Variants in DSCC1 observed in about 807,000 individuals in gnomAD.
DSCC1 encodes the protein DNA replication and sister chromatid cohesion 1, also known as sister chromatid cohesion protein DCC1.
A neutral mutation model predicts 48.2 loss-of-function variants in DSCC1; 32 were observed. The observed-to-expected ratio is 0.66, with a 90% CI of 0.50 to 0.89. The LOEUF (loss-of-function observed/expected upper bound fraction) is 0.89. Among genes scored for constraint, DSCC1 ranks in the 40% least tolerant of loss-of-function variants. The pLI is 0.00. For synonymous variants in DSCC1, 150 were observed against 171.5 expected (o/e 0.87, Z 0.98); for missense variants, 421 against 471.7 (o/e 0.89, Z 1.00).
chr8:119,854,123 G>A (rs1264878648), intron 1 of DSCC1, among the ~76,000 whole-genome samples: 2 of 152,084 alleles, frequency 1.3e-5, no homozygotes, highest in African/African-American at 4.8e-5. Context: ...CTGGTGGGAG[G>A]ATCGCCTGAC....
In DSCC1 at chr8:119,849,184, C is replaced by CAAAAAAA. The variant is rs550853227; in HGVS notation, c.486+1191_486+1197dup. On this transcript the variant is annotated intron_variant, in intron 3 of 8. Coordinates refer to ENST00000313655, the MANE Select transcript of DSCC1 (RefSeq NM_024094.3). ...TGGGCGACAGAGCGAGACTCCCTCTCAAAAAAAAAAAAAAAAAAAAAAGAC... is the reference window on the plus strand; with the variant it reads ...TGGGCGACAGAGCGAGACTCCCTCTCAAAAAAAAAAAAAAAAAAAAAAAAAAAAAGAC... Among the ~76,000 whole-genome samples the CAAAAAAA allele has an allele frequency of 2.0e-4, 6 of 29,504 alleles. 1 individual carries two copies. Among genetic ancestry groups the CAAAAAAA allele is most frequent in the Non-Finnish European group, 2.5e-4 (4 of 15,948 alleles). 19.4% of individuals were successfully genotyped at this position (29,504 alleles called of 152,430 possible).
intron 2 of DSCC1, among the ~76,000 whole-genome samples, chr8:119,851,475 T>A (rs1826942905): frequency 6.6e-6 from 1 of 152,228 alleles, no homozygotes; most frequent in African/African-American, 2.4e-5. Flanking sequence ...CTACGTCCAA[T>A]ACACAGATAT....
rs1827009797 is a variant in DSCC1, at chr8:119,855,802, G to A, written c.-7C>T. 4 of 1,513,434 alleles carry A rather than the reference G, an allele frequency of 2.6e-6. No homozygotes were observed. Among genetic ancestry groups the A allele is most frequent in the East Asian group, 2.5e-5 (1 of 39,326 alleles). The allele number at this position is 1,513,434 out of a possible 1,614,324, so 93.8% of individuals were successfully genotyped here. A position where few individuals can be genotyped will look rare whatever the true frequency, so the allele number is the denominator to read the frequency against. ...CGTCGCGGGTCCTCTTCATCGCAGC[G>A]CCGGGTCTAGGAGTCCCGCCGCGCC... is the stretch of plus-strand genomic sequence containing the variant. On this transcript the variant is annotated 5_prime_UTR_variant, in exon 1 of 9. Transcript: ENST00000313655.
chr8:119,842,467 G>A (rs1039767802), intron 6 of DSCC1, among the ~76,000 whole-genome samples: 43 of 149,372 alleles, frequency 2.9e-4, no homozygotes, highest in Non-Finnish European at 1.5e-4. Context: ...TTGCCGCCTC[G>A]ACCTCCCCGG....
Position 119,843,674 on chromosome 8 carries a change from T to A in DSCC1, c.651A>T (p.Glu217Asp). 6.2e-7 allele frequency: 1 copy of A among 1,614,154 alleles called. No individual in the cohort carries two copies. Among genetic ancestry groups the A allele is most frequent in the East Asian group, 2.2e-5 (1 of 44,876 alleles). The change falls in exon 5 of 9, where the codon GAA becomes GAT. Residue 217 changes from glutamate to aspartate, a missense_variant. Glu to Asp is a conservative substitution (Grantham distance 45). Coordinates refer to ENST00000313655, the MANE Select transcript of DSCC1 (RefSeq NM_024094.3). ...AAGGAACTTTACCAAAAGACCATGATTCAGAATCCACAAGCTGAGTTACAT... is the reference window on the plus strand; with the variant it reads ...AAGGAACTTTACCAAAAGACCATGAATCAGAATCCACAAGCTGAGTTACAT... Reference protein sequence around the residue: ...LNHVTQLVDSESWSFGKVPLN... With the variant: ...LNHVTQLVDSDSWSFGKVPLN...
Position 119,850,461 on chromosome 8 carries a change from T to A in DSCC1, c.407A>T (p.Lys136Met). 1 of 1,601,832 alleles carries A rather than the reference T, an allele frequency of 6.2e-7. No homozygotes were observed. Among genetic ancestry groups the A allele is most frequent in the Non-Finnish European group, 8.5e-7 (1 of 1,175,674 alleles). Residue 136 changes from lysine to methionine, a missense_variant, in exon 3 of 9, where the codon AAG becomes ATG. Around this residue, in one of 3 missense-constraint regions of DSCC1, gnomAD observed 174 missense variants for 184.5 expected, o/e 0.94. Transcript: ENST00000313655. Reference protein sequence around the residue: ...WELRRRRPKLKKLKKLLMENP... With the variant: ...WELRRRRPKLMKLKKLLMENP... ...TTCCATCAAAAGTTTCTTTAGCTTC[T>A]TTAACTTGGGTCTACGTCTTCTTAA...
chr8:119,847,536 A>G (rs1458487090), intron 3 of DSCC1, among the ~76,000 whole-genome samples: 1 of 152,240 alleles, frequency 6.6e-6, no homozygotes, highest in African/African-American at 2.4e-5. Context: ...GAACAAGTAC[A>G]GAGTTTCAGT....
At chr8:119,835,459 A>G (rs1212235815) in intron 8 of DSCC1, among the ~76,000 whole-genome samples, 2 of 152,132 alleles carry the variant, frequency 1.3e-5, no homozygotes, top group East Asian at 3.9e-4. Context: ...GTGAGCGGAG[A>G]TCGCGCCACT....
chr8:119,855,256 G>C (rs934128193), intron 1 of DSCC1, among the ~76,000 whole-genome samples: 11 of 152,222 alleles, frequency 7.2e-5, no homozygotes, highest in African/African-American at 2.4e-4. Flanking sequence ...GAAGGCAAGA[G>C]TTCTATAAAC....
In DSCC1 at chr8:119,841,861, G is replaced by A; in HGVS notation, c.857C>T (p.Ala286Val). Reference sequence around the variant, plus strand: ...CTGCTGCCACACTTCTTGAAACTCAGCGAGATTGAATTTCACCGCATTCTG... The same window carrying A: ...CTGCTGCCACACTTCTTGAAACTCAACGAGATTGAATTTCACCGCATTCTG... Reference protein sequence around the residue: ...LLQNAVKFNLAEFQEVWQQSV... With the variant: ...LLQNAVKFNLVEFQEVWQQSV... Residue 286 changes from alanine to valine, a missense_variant, in exon 7 of 9, where the codon GCT becomes GTT. By Grantham distance (64) the Ala-to-Val change is moderately conservative. Coordinates refer to ENST00000313655, the MANE Select transcript of DSCC1 (RefSeq NM_024094.3). The A allele has an allele frequency of 6.2e-7, 1 of 1,614,094 alleles. No homozygotes were observed. Among genetic ancestry groups the A allele is most frequent in the Non-Finnish European group, 8.5e-7 (1 of 1,179,994 alleles).
At chr8:119,843,014 C>G (rs1397345128) in intron 5 of DSCC1, among the ~76,000 whole-genome samples, 186 bp from the exon 6 acceptor site, 1 of 152,030 alleles carries the variant, frequency 6.6e-6, no homozygotes, top group African/African-American at 2.4e-5. Context: ...TACTATGTGC[C>G]AGGCCCCATG....
chr8:119,843,608 C>T lies in DSCC1; in HGVS notation c.716+1G>A, dbSNP rs748933328. ...GATAGACAAGAAATTAAAATACTTA[C>T]TCTGGCTCCAATGGTCCGAGTTCCT... On this transcript the variant is annotated splice_donor_variant, in intron 5 of 8. Transcript: ENST00000313655. LOFTEE classifies it high-confidence loss of function. 8 of 1,604,668 alleles carry T rather than the reference C, an allele frequency of 5.0e-6. No homozygotes were observed. Among genetic ancestry groups the T allele is most frequent in the Non-Finnish European group, 5.9e-6 (7 of 1,177,904 alleles).
At chr8:119,837,283 G>C (rs1826699339) in intron 8 of DSCC1, among the ~76,000 whole-genome samples, 3 of 152,184 alleles carry the variant, frequency 2.0e-5, no homozygotes, top group African/African-American at 7.2e-5. Context: ...AGGCAGAGGA[G>C]ATAGACCTAG....
At chr8:119,848,295 T>C (rs1460990067) in intron 3 of DSCC1, among the ~76,000 whole-genome samples, 2 of 152,114 alleles carry the variant, frequency 1.3e-5, no homozygotes, top group Non-Finnish European at 2.9e-5. Flanking sequence ...TATGTATATT[T>C]TACTCCAATT....
Position 119,855,810 on chromosome 8 carries a change from T to C in DSCC1, c.-15A>G, listed in dbSNP as rs777231767. ...GTCCTCTTCATCGCAGCGCCGGGTC[T>C]AGGAGTCCCGCCGCGCCCGGGTGGC... On this transcript the variant is annotated 5_prime_UTR_variant, in exon 1 of 9. Transcript: ENST00000313655. The C allele has an allele frequency of 1.4e-6, 2 of 1,457,314 alleles. No homozygotes were observed. The highest frequency in any genetic ancestry group is 1.8e-6 in the Non-Finnish European group (2 of 1,105,510). 90.3% of individuals were successfully genotyped at this position (1,457,314 alleles called of 1,614,324 possible).
intron 1 of DSCC1, among the ~76,000 whole-genome samples, chr8:119,853,672 G>A (rs945240523): frequency 6.6e-5 from 10 of 151,644 alleles, no homozygotes; most frequent in Non-Finnish European, 8.8e-5. Flanking sequence ...CCAGGGTCCC[G>A]TATTTCTAAC....
chr8:119,846,515 T>C (rs887649440), intron 4 of DSCC1, among the ~76,000 whole-genome samples: 14 of 152,206 alleles, frequency 9.2e-5, no homozygotes, highest in African/African-American at 2.4e-4. Context: ...ATTGACCTCA[T>C]GTAAAGATGA....
intron 7 of DSCC1, among the ~76,000 whole-genome samples, chr8:119,841,391 GC>G (rs1338028948): frequency 6.6e-6 from 1 of 152,128 alleles, no homozygotes; most frequent in Non-Finnish European, 1.5e-5. Flanking sequence ...GGATGCTATT[GC>G]TGTTTAGAGG....
chr8:119,841,915 A>AT lies in DSCC1; in HGVS notation c.802dup (p.Ile268AsnfsTer3), dbSNP rs753754801. The AT allele has an allele frequency of 1.9e-6, 3 of 1,614,022 alleles. No individual in the cohort carries two copies. The Admixed American group carries it at 5.0e-5, about 27-fold the overall frequency. On this transcript the variant is annotated frameshift_variant, in exon 7 of 9. Transcript: ENST00000313655. LOFTEE classifies it high-confidence loss of function. The stretch of plus-strand genomic sequence containing the variant: ...TAGCATTCGTGCTGCTGCTCTACAT[A>AT]TTTTATCAGCATCCAACTCAAAATA...
Sources: gnomAD v4.1 joint callset for allele counts (sites outside exome capture counted in the v4.1 genomes callset) on GRCh38, gnomAD v4.1.1 for gene constraint, gnomAD v4.1.1 regional missense constraint, MANE v1.5 for transcripts, NCBI Gene and HGNC (gene_info 2026-07-23, HGNC 2026-07-21) for gene names.